The following MYRFL variants were observed in gnomAD, a reference collection of about 807,000 sequenced individuals.
The protein encoded by MYRFL is myelin regulatory factor-like protein.
MYRFL carries 88 observed loss-of-function variants against 109.4 expected under a neutral mutation model. That is an observed-to-expected ratio of 0.80 (90% CI 0.68 to 0.96). The LOEUF is 0.96. Among genes scored for constraint, MYRFL ranks in the 40% least tolerant of loss-of-function variants. The probability of loss-of-function intolerance (pLI) is 0.00; values close to 1 mark genes in which losing one functional copy is unlikely to be tolerated. For synonymous variants in MYRFL, 324 were observed against 320.9 expected (o/e 1.01, Z -0.10); for missense variants, 957 against 954.9 (o/e 1.00, Z -0.03).
intron 2 of MYRFL, among the ~76,000 whole-genome samples, chr12:69,873,283 T>G (rs1371190865): frequency 1.3e-5 from 2 of 152,092 alleles, no homozygotes; most frequent in African/African-American, 2.4e-5. Flanking sequence ...CTCATAACGT[T>G]TTTTACAAGT....
At chr12:69,930,400 C>T (rs1351038875) in intron 15 of MYRFL, among the ~76,000 whole-genome samples, 1 of 152,070 alleles carries the variant, frequency 6.6e-6, no homozygotes, top group African/African-American at 2.4e-5. Context: ...TTTTCCCTCT[C>T]TTTCTCCACC....
At chr12:69,871,596 T>A (rs1487939795) in intron 2 of MYRFL, among the ~76,000 whole-genome samples, 1 of 152,202 alleles carries the variant, frequency 6.6e-6, no homozygotes, top group East Asian at 1.9e-4. Context: ...TTTTGCTGTA[T>A]ACACTTGAAG....
chr12:69,886,415 A>T (rs1886454609), intron 5 of MYRFL, among the ~76,000 whole-genome samples: 1 of 152,084 alleles, frequency 6.6e-6, no homozygotes, highest in Non-Finnish European at 1.5e-5. Flanking sequence ...TTGAATTGGG[A>T]TAGGCCACAT....
rs535634031 is a variant in MYRFL at position 69,915,404 on chromosome 12, A to G, written c.1602+4474A>G. Among the ~76,000 whole-genome samples, 5 of 152,308 alleles carry G rather than the reference A, an allele frequency of 3.3e-5. No individual in the cohort carries two copies. The East Asian group carries it at 9.7e-4, about 29-fold the overall frequency. ...AAATTTTCATTGAAGTTCGAATGCA[A>G]ATTAGAAACACTTAGGAAAATGTTG... On this transcript the variant is annotated intron_variant, in intron 13 of 24. Coordinates refer to ENST00000552032, the MANE Select transcript of MYRFL (RefSeq NM_182530.3).
At chr12:69,926,169 G>A (rs1487272264) in intron 13 of MYRFL, among the ~76,000 whole-genome samples, 3 of 116,658 alleles carry the variant, frequency 2.6e-5, no homozygotes, top group African/African-American at 1.4e-4. Context: ...TTGTTTCCCA[G>A]GTTGGAGTGC....
intron 19 of MYRFL, among the ~76,000 whole-genome samples, chr12:69,942,170 C>T (rs1251564168): frequency 1.0e-4 from 12 of 116,432 alleles, no homozygotes; most frequent in East Asian, 2.4e-4. Context: ...AGGGAATCCT[C>T]CCTAACTCAT....
intron 11 of MYRFL, 39 bp downstream of exon 11, chr12:69,903,883 C>A: frequency 4.7e-6 from 7 of 1,476,744 alleles, no homozygotes; most frequent in South Asian, 4.1e-5. Flanking sequence ...TCCTCTGACA[C>A]CCCAGTCAGG....
intron 13 of MYRFL, among the ~76,000 whole-genome samples, chr12:69,920,817 C>T (rs1057343075): frequency 1.3e-5 from 2 of 152,210 alleles, no homozygotes; most frequent in African/African-American, 2.4e-5. Context: ...TTCATGAATG[C>T]TTTCCCATTG....
intron 13 of MYRFL, among the ~76,000 whole-genome samples, chr12:69,915,455 T>A (rs7294763): frequency 0.16 from 24,267 of 152,190 alleles, 2,290 homozygotes; most frequent in Non-Finnish European, 0.22. Flanking sequence ...GATTGCTATG[T>A]CACTTCTGCA....
At position 69,923,212 on chromosome 12, in the gene MYRFL, G is replaced by A. The variant is rs898160183; in HGVS notation, c.1603-3359G>A. 2.6e-5 allele frequency among the ~76,000 whole-genome samples: 4 copies of A among 152,146 alleles called. No individual in the cohort carries two copies. In the East Asian group the frequency reaches 5.8e-4, roughly 22 times the overall value. On this transcript the variant is annotated intron_variant, in intron 13 of 24. Transcript: ENST00000552032. ...CCTGAGTCATTTTGACCCAACCACA[G>A]TACTCTGTGATAGCTTCCTTATTTT... is the stretch of plus-strand genomic sequence containing the variant.
chr12:69,925,337 A>G (rs7298560), intron 13 of MYRFL, among the ~76,000 whole-genome samples: 7,560 of 152,262 alleles, frequency 0.05, 608 homozygotes, highest in African/African-American at 0.17. Context: ...AACTGCGTAC[A>G]CTAAGCCTTG....
chr12:69,855,471 C>T (rs1027749712), intron 2 of MYRFL, 101 bp downstream of exon 2: 5 of 616,820 alleles, frequency 8.1e-6, no homozygotes, highest in Admixed American at 2.4e-5. Context: ...TCCAAAATAA[C>T]TTGGGTAGAG....
chr12:69,914,968 G>T (rs1235984982), intron 13 of MYRFL, among the ~76,000 whole-genome samples: 2 of 152,194 alleles, frequency 1.3e-5, no homozygotes, highest in Non-Finnish European at 2.9e-5. Flanking sequence ...CTCTGATGAT[G>T]GAGGAGAAGC....
rs1184394603 is a variant in MYRFL at position 69,958,665 on chromosome 12, T to G, written c.*134T>G. The G allele has an allele frequency of 1.5e-6, 1 of 646,458 alleles. No individual in the cohort carries two copies. The highest frequency in any genetic ancestry group is 2.8e-5 in the East Asian group (1 of 35,714). 40.0% of individuals were successfully genotyped at this position (646,458 alleles called of 1,614,324 possible). On this transcript the variant is annotated 3_prime_UTR_variant, in exon 25 of 25. Transcript: ENST00000552032. Reference sequence around the variant, plus strand: ...TTATTGCTGAAGGACTTTTTCAGGCTTTAGCTTCCAACAGTTTTGAGACAT... The same window carrying G: ...TTATTGCTGAAGGACTTTTTCAGGCGTTAGCTTCCAACAGTTTTGAGACAT...
At chr12:69,828,377 ATG>A (rs1427502208) in intron 1 of MYRFL, among the ~76,000 whole-genome samples, 1 of 152,112 alleles carries the variant, frequency 6.6e-6, no homozygotes, top group Admixed American at 6.6e-5. Context: ...TATACAGTGT[ATG>A]TGTGTATCTG....
chr12:69,854,880 T>C (rs998531361), intron 1 of MYRFL, among the ~76,000 whole-genome samples: 7 of 152,210 alleles, frequency 4.6e-5, no homozygotes, highest in Admixed American at 3.9e-4. Context: ...AGTTTTGTCT[T>C]TTTTATAGTA....
intron 1 of MYRFL, among the ~76,000 whole-genome samples, chr12:69,843,646 G>T (rs1214884588): frequency 6.6e-6 from 1 of 152,178 alleles, no homozygotes; most frequent in East Asian, 1.9e-4. Flanking sequence ...GGTACAACTT[G>T]GTTGTGTTTG....
At chr12:69,901,578 C>T (rs981075256) in intron 10 of MYRFL, among the ~76,000 whole-genome samples, 17 of 152,098 alleles carry the variant, frequency 1.1e-4, no homozygotes, top group Non-Finnish European at 1.5e-4. Flanking sequence ...AATAACTATC[C>T]CAAAGCTCAT....
chr12:69,936,517 A>C lies in MYRFL; in HGVS notation c.2109A>C (p.Glu703Asp), dbSNP rs971003797. The part of the protein sequence containing the change: ...SLQVPEITFC[E>D]ILPCQETYCC... ...AAGTACCTGAAATTACTTTCTGTGA[A>C]ATCCTGCCGTGTCAGGAGACTTATT... Residue 703 changes from glutamate to aspartate, a missense_variant, in exon 19 of 25, where the codon GAA becomes GAC. Physicochemically the swap from Glu to Asp is conservative, Grantham distance 45 (BLOSUM62 2). Transcript: ENST00000552032. 2.1e-5 allele frequency: 32 copies of C among 1,536,008 alleles called. No individual in the cohort carries two copies. The highest frequency in any genetic ancestry group is 1.7e-4 in the Middle Eastern group (1 of 6,012).
Sources: allele counts gnomAD v4.1 joint callset (sites outside exome capture counted in the v4.1 genomes callset), GRCh38; gene constraint gnomAD v4.1.1; transcripts MANE v1.5; gene names NCBI Gene and HGNC (gene_info 2026-07-23, HGNC 2026-07-21).